RPS6KA5: variants seen among roughly 807,000 people sequenced by gnomAD.
The protein encoded by RPS6KA5 is ribosomal protein S6 kinase A5, also known as ribosomal protein S6 kinase alpha-5.
Under a neutral mutation model 85.5 loss-of-function variants are expected in RPS6KA5, and 27 were observed. The observed-to-expected ratio is 0.32, with a 90% CI of 0.23 to 0.44. The LOEUF is 0.44. RPS6KA5 is among the 20% of genes least tolerant of loss of function. The pLI, the probability that RPS6KA5 is intolerant of heterozygous loss-of-function variation, is 1.00. For missense variants in RPS6KA5, 811 were observed against 980.9 expected (o/e 0.83, Z 2.31); for synonymous variants, 334 against 348.2 (o/e 0.96, Z 0.46).
At chr14:90,887,628 T>C (rs956115099) in intron 14 of RPS6KA5, among the ~76,000 whole-genome samples, 1 of 152,018 alleles carries the variant, frequency 6.6e-6, no homozygotes, top group Non-Finnish European at 1.5e-5. Flanking sequence ...AAATTAGATC[T>C]ATATGAATTA....
At position 90,936,524 on chromosome 14, in the gene RPS6KA5, G is replaced by A. The variant is rs143666071; in HGVS notation, c.618+6554C>T. On this transcript the variant is annotated intron_variant, in intron 5 of 16. Transcript: ENST00000614987. ...AGTTGCAGTGAGCCGATCTTGCCAC[G>A]CTGGGTGACAGACCAAGACCCCATC... Among the ~76,000 whole-genome samples, 14 of 152,016 alleles carry A rather than the reference G, an allele frequency of 9.2e-5. 1 individual carries two copies. In the East Asian group the frequency reaches 1.7e-3, roughly 19 times the overall value.
chr14:91,045,883 G>A (rs946426608), intron 1 of RPS6KA5, among the ~76,000 whole-genome samples: 1 of 152,114 alleles, frequency 6.6e-6, no homozygotes, highest in Non-Finnish European at 1.5e-5. Context: ...TCTCCTGCTT[G>A]AATGTCACAC....
chr14:91,045,069 G>A (rs1204344520), intron 1 of RPS6KA5, among the ~76,000 whole-genome samples: 1 of 151,918 alleles, frequency 6.6e-6, no homozygotes, highest in Non-Finnish European at 1.5e-5. Flanking sequence ...AATAATTTAG[G>A]TCTCATAAGG....
At chr14:90,977,669 G>A (rs1224024996) in intron 3 of RPS6KA5, among the ~76,000 whole-genome samples, 3 of 152,070 alleles carry the variant, frequency 2.0e-5, no homozygotes, top group African/African-American at 7.2e-5. Context: ...AGCAGAAATT[G>A]GCCCACTTCA....
At chr14:91,032,067 CCATTCTCAA>C (rs2042208237) in intron 1 of RPS6KA5, among the ~76,000 whole-genome samples, 1 of 152,166 alleles carries the variant, frequency 6.6e-6, no homozygotes, top group Non-Finnish European at 1.5e-5. Context: ...ACCGTTCTCA[CCATTCTCAA>C]CTACCTTCTC....
At chr14:90,973,370 G>A (rs535622431) in intron 3 of RPS6KA5, among the ~76,000 whole-genome samples, 2 of 150,774 alleles carry the variant, frequency 1.3e-5, no homozygotes, top group East Asian at 3.9e-4. Context: ...TTGAACCCAG[G>A]AGGCAGAGGT....
At chr14:90,929,146 C>T (rs1396090101) in intron 5 of RPS6KA5, among the ~76,000 whole-genome samples, 1 of 151,848 alleles carries the variant, frequency 6.6e-6, no homozygotes, top group Admixed American at 6.6e-5. Context: ...ATTTATCTAC[C>T]AAAAACCTAC....
chr14:90,878,966 T>C (rs2033652949), intron 14 of RPS6KA5, among the ~76,000 whole-genome samples: 1 of 152,208 alleles, frequency 6.6e-6, no homozygotes, highest in African/African-American at 2.4e-5. Flanking sequence ...CTGTGAAAGA[T>C]GAGACTCTCT....
In RPS6KA5 at chr14:90,871,170, C is replaced by T. The variant is rs1450666235; in HGVS notation, c.*904G>A. ...ATAAGTGGCTGACTACATGACACAA[C>T]ATGCCCCATTCTACTTGTTGCATAC... On this transcript the variant is annotated 3_prime_UTR_variant, in exon 17 of 17. Coordinates refer to ENST00000614987, the MANE Select transcript of RPS6KA5 (RefSeq NM_004755.4). 3 of 152,520 alleles carry T rather than the reference C, an allele frequency of 2.0e-5. No individual in the cohort carries two copies. The highest frequency in any genetic ancestry group is 4.8e-5 in the African/African-American group (2 of 41,428). The allele number at this position is 152,520 out of a possible 1,614,324, so 9.4% of individuals were successfully genotyped here.
At position 90,869,355 on chromosome 14, in the gene RPS6KA5, T is replaced by C. The variant is rs2032953689; in HGVS notation, c.*2719A>G. ...CAATTTCAAAATGCTAATTAACCTCTTTCAGACACACGATCTGGCAGAGTA... is the reference window on the plus strand; with the variant it reads ...CAATTTCAAAATGCTAATTAACCTCCTTCAGACACACGATCTGGCAGAGTA... On this transcript the variant is annotated 3_prime_UTR_variant, in exon 17 of 17. Coordinates refer to ENST00000614987, the MANE Select transcript of RPS6KA5 (RefSeq NM_004755.4). The C allele has an allele frequency of 6.6e-6, 1 of 152,172 alleles. No homozygotes were observed. The highest frequency in any genetic ancestry group is 1.5e-5 in the Non-Finnish European group (1 of 68,030). 9.4% of individuals were successfully genotyped at this position (152,172 alleles called of 1,614,324 possible).
At chr14:90,996,392 T>C (rs1277431122) in intron 2 of RPS6KA5, among the ~76,000 whole-genome samples, 1 of 152,128 alleles carries the variant, frequency 6.6e-6, no homozygotes. Context: ...GTTCTTGTTA[T>C]GTACTATAAA....
intron 1 of RPS6KA5, among the ~76,000 whole-genome samples, chr14:91,030,242 T>G (rs1293256066): frequency 6.6e-6 from 1 of 152,068 alleles, no homozygotes; most frequent in Non-Finnish European, 1.5e-5. Flanking sequence ...ACACTTAGGA[T>G]TAATAATTTC....
intron 8 of RPS6KA5, among the ~76,000 whole-genome samples, chr14:90,903,852 G>A (rs895209565): frequency 6.6e-5 from 10 of 152,212 alleles, no homozygotes; most frequent in African/African-American, 2.4e-4. Context: ...TAAGATGATG[G>A]CCACTGTAAC....
chr14:91,045,111 A>G (rs1327467623), intron 1 of RPS6KA5, among the ~76,000 whole-genome samples: 1 of 152,196 alleles, frequency 6.6e-6, no homozygotes, highest in Admixed American at 6.5e-5. Flanking sequence ...GAGCTAATAA[A>G]TGGATGCTAT....
At chr14:90,894,029 T>C (rs2034697966) in intron 13 of RPS6KA5, 1 of 912,472 alleles carries the variant, frequency 1.1e-6, no homozygotes, top group African/African-American at 1.8e-5. Flanking sequence ...TGATTACAAA[T>C]GTAAAAAATA....
chr14:90,872,071 T>C lies in RPS6KA5; in HGVS notation c.*3A>G, dbSNP rs1002737953. 3 of 1,610,888 alleles carry C rather than the reference T, an allele frequency of 1.9e-6. No homozygotes were observed. Among genetic ancestry groups the C allele is most frequent in the East Asian group, 4.5e-5 (2 of 44,854 alleles). On this transcript the variant is annotated 3_prime_UTR_variant, in exon 17 of 17. Coordinates refer to ENST00000614987, the MANE Select transcript of RPS6KA5 (RefSeq NM_004755.4). ...ATGGATCACTGATACACTCCTACCA[T>C]GCCTAAGCTACTGAGTCCGAGAACT...
intron 1 of RPS6KA5, among the ~76,000 whole-genome samples, chr14:91,052,910 G>C (rs544508447): frequency 1.3e-5 from 2 of 150,012 alleles, no homozygotes; most frequent in African/African-American, 4.9e-5. Context: ...ACTAGACAGA[G>C]GTATCACCAA....
intron 5 of RPS6KA5, among the ~76,000 whole-genome samples, chr14:90,935,492 C>T (rs948786060): frequency 6.6e-6 from 1 of 152,136 alleles, no homozygotes; most frequent in Non-Finnish European, 1.5e-5. Context: ...TATTATTTTA[C>T]AGATGATGAA....
At chr14:90,935,679 G>A (rs1194521669) in intron 5 of RPS6KA5, among the ~76,000 whole-genome samples, 2 of 152,174 alleles carry the variant, frequency 1.3e-5, no homozygotes, top group Admixed American at 1.3e-4. Context: ...TCTGGAAAGA[G>A]AGAAACAGTC....
Sources: allele counts gnomAD v4.1 joint callset (sites outside exome capture counted in the v4.1 genomes callset), GRCh38; gene constraint gnomAD v4.1.1; transcripts MANE v1.5; gene names NCBI Gene and HGNC (gene_info 2026-07-23, HGNC 2026-07-21).